Variants in PLAG1 observed in about 807,000 individuals in gnomAD.
The protein encoded by PLAG1 is zinc finger protein PLAG1.
PLAG1 carries 7 observed loss-of-function variants against 35.5 expected under a neutral mutation model. The ratio of observed to expected loss-of-function variants is 0.20; its 90% CI spans 0.11 to 0.37. The LOEUF is 0.37. PLAG1 is among the 10% of genes least tolerant of loss of function. The pLI, the probability that PLAG1 is intolerant of heterozygous loss-of-function variation, is 1.00. For missense variants in PLAG1, 454 were observed against 602.8 expected (o/e 0.75, Z 2.58); for synonymous variants, 229 against 225.4 (o/e 1.02, Z -0.14).
At position 56,201,307 on chromosome 8, in the gene PLAG1, A is replaced by G. The variant is rs552929957; in HGVS notation, c.-322+9814T>C. 3.3e-5 allele frequency among the ~76,000 whole-genome samples: 5 copies of G among 152,340 alleles called. No homozygotes were observed. The South Asian group carries it at 1.0e-3, about 32-fold the overall frequency. On this transcript the variant is annotated intron_variant, in intron 1 of 4. Transcript: ENST00000316981. ...AATAAGACCATTCAAAAATTTGGGGAAAAATGTTTATTCATTATTCTGAAA... is the reference window on the plus strand; with the variant it reads ...AATAAGACCATTCAAAAATTTGGGGGAAAATGTTTATTCATTATTCTGAAA...
intron 1 of PLAG1, among the ~76,000 whole-genome samples, chr8:56,185,508 T>C (rs527481055): frequency 6.6e-6 from 1 of 152,116 alleles, no homozygotes; most frequent in African/African-American, 2.4e-5. Context: ...TAAACTAAAA[T>C]CCTTTAAGTG....
At position 56,165,548 on chromosome 8, in the gene PLAG1, A is replaced by C. The variant is rs1811329873; in HGVS notation, c.*695T>G. The C allele has an allele frequency of 4.9e-6, 1 of 206,178 alleles. No individual in the cohort carries two copies. The highest frequency in any genetic ancestry group is 2.3e-5 in the African/African-American group (1 of 43,864). The allele number at this position is 206,178 out of a possible 1,614,324, so 12.8% of individuals were successfully genotyped here. A position where few individuals can be genotyped will look rare whatever the true frequency, so the allele number is the denominator to read the frequency against. On this transcript the variant is annotated 3_prime_UTR_variant, in exon 5 of 5. Coordinates refer to ENST00000316981, the MANE Select transcript of PLAG1 (RefSeq NM_002655.3). ...CCTGTGTACTAATTTAGGGCCAACT[A>C]TTAAGTGACACGAAATGCCATGTCA...
rs76921060 is a variant in PLAG1 at position 56,196,518 on chromosome 8, G to A, written c.-322+14603C>T. Among the ~76,000 whole-genome samples, 57 of 152,272 alleles carry A rather than the reference G, an allele frequency of 3.7e-4. No homozygotes were observed. In the East Asian group the frequency reaches 9.5e-3, roughly 25 times the overall value. The stretch of plus-strand genomic sequence containing the variant: ...GAGTTCAGGTACTTTCAGGGGCCAA[G>A]CGCTGACTGCCATTCAGACCTGGCT... On this transcript the variant is annotated intron_variant, in intron 1 of 4. Transcript: ENST00000316981.
Position 56,162,095 on chromosome 8 carries a change from C to G in PLAG1, c.*4148G>C. The G allele has an allele frequency of 4.4e-6, 1 of 227,088 alleles. No homozygotes were observed. Among genetic ancestry groups the G allele is most frequent in the African/African-American group, 2.2e-5 (1 of 45,118 alleles). The allele number at this position is 227,088 out of a possible 1,614,324, so 14.1% of individuals were successfully genotyped here. On this transcript the variant is annotated 3_prime_UTR_variant, in exon 5 of 5. Transcript: ENST00000316981. Reference sequence around the variant, plus strand: ...TATGGGTTTTTAGCACAAAACTGCACAACTTATGTAGATCTATGTGATCAC... The same window carrying G: ...TATGGGTTTTTAGCACAAAACTGCAGAACTTATGTAGATCTATGTGATCAC...
At chr8:56,190,566 G>A (rs913697311) in intron 1 of PLAG1, among the ~76,000 whole-genome samples, 3 of 152,174 alleles carry the variant, frequency 2.0e-5, no homozygotes, top group Non-Finnish European at 4.4e-5. Context: ...GGAACTGGGG[G>A]CACTAAGTCC....
At chr8:56,184,538 A>C (rs974132583) in intron 1 of PLAG1, among the ~76,000 whole-genome samples, 6 of 152,228 alleles carry the variant, frequency 3.9e-5, no homozygotes, top group Non-Finnish European at 2.9e-5. Flanking sequence ...ATGACTATTC[A>C]TAGTAGCTTT....
chr8:56,180,184 TAG>T (rs1811824114), intron 1 of PLAG1, among the ~76,000 whole-genome samples: 1 of 152,220 alleles, frequency 6.6e-6, no homozygotes, highest in Non-Finnish European at 1.5e-5. Flanking sequence ...GACTGATCTC[TAG>T]GGATATTAAC....
At chr8:56,186,205 T>C (rs1311980821) in intron 1 of PLAG1, among the ~76,000 whole-genome samples, 1 of 152,176 alleles carries the variant, frequency 6.6e-6, no homozygotes, top group Admixed American at 6.5e-5. Flanking sequence ...TGACAAATTA[T>C]CTTAAGTGTA....
intron 1 of PLAG1, among the ~76,000 whole-genome samples, chr8:56,210,401 C>G (rs924101890): frequency 6.6e-6 from 1 of 150,664 alleles, no homozygotes; most frequent in Non-Finnish European, 1.5e-5. Flanking sequence ...AGCACCCCCT[C>G]CCCCTACCCC....
chr8:56,161,081 GA>G lies in PLAG1; in HGVS notation c.*5161del, dbSNP rs1448022548. The stretch of plus-strand genomic sequence containing the variant: ...ATAAATAGTCTGCTTCTTTGGATGT[GA>G]ATGTTTAAAATGTAGTATCACTGCA... On this transcript the variant is annotated 3_prime_UTR_variant, in exon 5 of 5. Coordinates refer to ENST00000316981, the MANE Select transcript of PLAG1 (RefSeq NM_002655.3). 6.5e-5 allele frequency: 12 copies of G among 185,120 alleles called. No individual in the cohort carries two copies. The highest frequency in any genetic ancestry group is 1.2e-4 in the Admixed American group (2 of 16,046). The allele number at this position is 185,120 out of a possible 1,614,324, so 11.5% of individuals were successfully genotyped here. A position where few individuals can be genotyped will look rare whatever the true frequency, so the allele number is the denominator to read the frequency against.
chr8:56,210,146 G>T (rs1265565272), intron 1 of PLAG1, among the ~76,000 whole-genome samples: 1 of 152,034 alleles, frequency 6.6e-6, no homozygotes, highest in East Asian at 1.9e-4. Context: ...CCCTTCGAAA[G>T]TTTTAAAAAA....
At position 56,166,171 on chromosome 8, in the gene PLAG1, C is replaced by A; in HGVS notation, c.*72G>T. The A allele has an allele frequency of 9.7e-7, 1 of 1,030,192 alleles. No individual in the cohort carries two copies. The highest frequency in any genetic ancestry group is 1.4e-6 in the Non-Finnish European group (1 of 706,110). The allele number at this position is 1,030,192 out of a possible 1,614,324, so 63.8% of individuals were successfully genotyped here. ...AATTTTTATACTGTTTTAAAGTAGGCACTAAAATAAAAATGGTCATCTAGG... is the reference window on the plus strand; with the variant it reads ...AATTTTTATACTGTTTTAAAGTAGGAACTAAAATAAAAATGGTCATCTAGG... On this transcript the variant is annotated 3_prime_UTR_variant, in exon 5 of 5. Coordinates refer to ENST00000316981, the MANE Select transcript of PLAG1 (RefSeq NM_002655.3).
At chr8:56,184,968 CCAAAA>C in intron 1 of PLAG1, among the ~76,000 whole-genome samples, 1 of 152,068 alleles carries the variant, frequency 6.6e-6, no homozygotes, top group South Asian at 2.1e-4. Flanking sequence ...AACAAAAACC[CCAAAA>C]CAAATGAACA....
intron 1 of PLAG1, among the ~76,000 whole-genome samples, chr8:56,183,877 C>T (rs1811942568): frequency 6.6e-6 from 1 of 152,100 alleles, no homozygotes; most frequent in Non-Finnish European, 1.5e-5. Context: ...AACTATAAAA[C>T]TTCTGGAAGA....
chr8:56,172,498 G>A (rs1169259846), intron 2 of PLAG1, among the ~76,000 whole-genome samples: 1 of 152,110 alleles, frequency 6.6e-6, no homozygotes, highest in Admixed American at 6.6e-5. Context: ...GTTTTTTGTA[G>A]GGTAATTACG....
chr8:56,189,311 T>C (rs1479680322), intron 1 of PLAG1, among the ~76,000 whole-genome samples: 2 of 152,204 alleles, frequency 1.3e-5, no homozygotes, highest in South Asian at 2.1e-4. Flanking sequence ...AAGAAGACAT[T>C]GTTCTCTTTC....
intron 1 of PLAG1, among the ~76,000 whole-genome samples, chr8:56,180,372 TG>T (rs1811829557): frequency 6.6e-6 from 1 of 152,228 alleles, no homozygotes; most frequent in South Asian, 2.1e-4. Flanking sequence ...TGAGTTACTG[TG>T]GGTATAGACT....
intron 2 of PLAG1, among the ~76,000 whole-genome samples, chr8:56,177,349 G>T (rs1352651725): frequency 2.0e-5 from 3 of 152,180 alleles, no homozygotes; most frequent in African/African-American, 7.2e-5. Flanking sequence ...ACACAGTTAA[G>T]GGTAAACAGG....
intron 1 of PLAG1, among the ~76,000 whole-genome samples, chr8:56,195,017 G>A (rs1812317181): frequency 6.6e-6 from 1 of 152,168 alleles, no homozygotes; most frequent in Non-Finnish European, 1.5e-5. Context: ...AGAAGCTGCT[G>A]AGGGTGCATA....
Sources: gnomAD v4.1 joint callset for allele counts (sites outside exome capture counted in the v4.1 genomes callset) on GRCh38, gnomAD v4.1.1 for gene constraint, MANE v1.5 for transcripts, NCBI Gene and HGNC (gene_info 2026-07-23, HGNC 2026-07-21) for gene names.